TSGA10: variants seen among roughly 807,000 people sequenced by gnomAD.
TSGA10 encodes testis specific 10.
In TSGA10, 43 loss-of-function variants were observed where a neutral mutation model predicts 96.6. The ratio of observed to expected loss-of-function variants is 0.44; its 90% CI spans 0.35 to 0.57. The LOEUF (loss-of-function observed/expected upper bound fraction) is 0.57. Among genes scored for constraint, TSGA10 ranks in the 20% least tolerant of loss-of-function variants. The probability of loss-of-function intolerance (pLI) is 0.01; values close to 1 mark genes in which losing one functional copy is unlikely to be tolerated. For missense variants in TSGA10, 703 were observed against 834.4 expected (o/e 0.84, Z 1.94); for synonymous variants, 229 against 269.9 (o/e 0.85, Z 1.48).
chr2:99,095,703 C>T (rs1358810255), intron 10 of TSGA10, among the ~76,000 whole-genome samples: 1 of 152,168 alleles, frequency 6.6e-6, no homozygotes, highest in Non-Finnish European at 1.5e-5. Flanking sequence ...TACAGTGGTG[C>T]AATCTCGGCT....
At chr2:99,014,612 A>G (rs1460778735) in intron 20 of TSGA10, among the ~76,000 whole-genome samples, 3 of 152,130 alleles carry the variant, frequency 2.0e-5, no homozygotes, top group Non-Finnish European at 4.4e-5. Flanking sequence ...CCAAACCTAA[A>G]CCCAGCAGAA....
In TSGA10 at chr2:99,147,682, T is replaced by G. The variant is rs541385130; in HGVS notation, c.-621+7011A>C. On this transcript the variant is annotated intron_variant, in intron 1 of 20. Coordinates refer to ENST00000393483, the MANE Select transcript of TSGA10 (RefSeq NM_025244.4). ...TTTTCAATTTTGTATTTTGAAAAAG[T>G]TTTAAACCTACAGAAATGTAATAAT... Among the ~76,000 whole-genome samples the G allele has an allele frequency of 1.5e-3, 221 of 152,322 alleles. 2 individuals are homozygous for G. Among genetic ancestry groups the G allele is most frequent in the South Asian group, 3.3e-3 (16 of 4,830 alleles).
intron 15 of TSGA10, among the ~76,000 whole-genome samples, chr2:99,066,235 G>A: frequency 6.6e-6 from 1 of 152,170 alleles, no homozygotes; most frequent in East Asian, 1.9e-4. Flanking sequence ...TGCCAAGTCT[G>A]TGTTAGTCAA....
At chr2:99,125,408 A>C (rs1214922784) in intron 2 of TSGA10, 2 of 151,992 alleles carry the variant, frequency 1.3e-5, no homozygotes, top group Non-Finnish European at 2.9e-5. Flanking sequence ...TCTTCTTTAC[A>C]TCTCTTATTT....
intron 17 of TSGA10, among the ~76,000 whole-genome samples, chr2:99,032,041 G>T (rs2081184969): frequency 6.6e-6 from 1 of 152,184 alleles, no homozygotes; most frequent in Admixed American, 6.5e-5. Context: ...TGAAAATTAA[G>T]TTGCATCTGG....
chr2:99,019,977 C>A (rs1271290871), intron 18 of TSGA10, among the ~76,000 whole-genome samples: 1 of 152,036 alleles, frequency 6.6e-6, no homozygotes, highest in Non-Finnish European at 1.5e-5. Flanking sequence ...TATGAAAATT[C>A]TTCTGGTTTC....
intron 10 of TSGA10, among the ~76,000 whole-genome samples, chr2:99,093,734 T>G (rs1376187193): frequency 6.6e-6 from 1 of 151,642 alleles, no homozygotes; most frequent in East Asian, 1.9e-4. Context: ...TATAAAACAC[T>G]GCTGAAAGAC....
Position 99,133,221 on chromosome 2 carries a change from A to C in TSGA10, c.-620-6045T>G, listed in dbSNP as rs527326054. On this transcript the variant is annotated intron_variant, in intron 1 of 20. Transcript: ENST00000393483. ...CCCACTATTATTCTGTAGGAGTCTA[A>C]GTCTCTTTGTAGGTCTCTAAGAACT... 3.3e-5 allele frequency among the ~76,000 whole-genome samples: 5 copies of C among 152,294 alleles called. No individual in the cohort carries two copies. The South Asian group carries it at 8.3e-4, about 25-fold the overall frequency.
At chr2:99,081,901 C>T (rs1181576100) in intron 10 of TSGA10, among the ~76,000 whole-genome samples, 1 of 152,262 alleles carries the variant, frequency 6.6e-6, no homozygotes, top group Non-Finnish European at 1.5e-5. Context: ...ACTGTAATGC[C>T]TAACCTTGTT....
intron 20 of TSGA10, among the ~76,000 whole-genome samples, chr2:99,004,928 A>G (rs1158735190): frequency 2.0e-5 from 3 of 152,242 alleles, no homozygotes; most frequent in East Asian, 3.8e-4. Context: ...GCAGCACATC[A>G]AAAAGCTTAT....
At chr2:99,116,603 TAAAAG>T (rs1343096373) in intron 4 of TSGA10, among the ~76,000 whole-genome samples, 1 of 150,842 alleles carries the variant, frequency 6.6e-6, no homozygotes, top group Non-Finnish European at 1.5e-5. Flanking sequence ...TAAAAAGTAT[TAAAAG>T]AAAACTTTAG....
chr2:99,124,325 G>A (rs924919660), intron 2 of TSGA10, among the ~76,000 whole-genome samples: 2 of 152,112 alleles, frequency 1.3e-5, no homozygotes, highest in Non-Finnish European at 2.9e-5. Context: ...TTTCTGGGGG[G>A]AAAGGGGCTA....
chr2:99,074,251 T>C (rs2104536361), intron 12 of TSGA10, among the ~76,000 whole-genome samples: 1 of 152,092 alleles, frequency 6.6e-6, no homozygotes, highest in South Asian at 2.1e-4. Flanking sequence ...TGACTTCAAG[T>C]GATCCACCCA....
intron 14 of TSGA10, among the ~76,000 whole-genome samples, chr2:99,071,262 G>A (rs1410518146): frequency 6.6e-6 from 1 of 151,966 alleles, no homozygotes; most frequent in Non-Finnish European, 1.5e-5. Context: ...TTGCCTTAGG[G>A]AGAAAGAGTA....
At chr2:99,086,089 T>G (rs1558967191) in intron 10 of TSGA10, among the ~76,000 whole-genome samples, 1 of 152,082 alleles carries the variant, frequency 6.6e-6, no homozygotes, top group Non-Finnish European at 1.5e-5. Context: ...TTGCCCTGAG[T>G]GATGAAATAT....
rs1378307315 is a variant in TSGA10 at position 99,035,316 on chromosome 2, A to G, written c.1528T>C (p.Ser510Pro). Residue 510 changes from serine (S) to proline (P), a missense_variant, in exon 17 of 21, where the codon TCT becomes CCT. By Grantham distance (74) the Ser-to-Pro change is moderately conservative (BLOSUM62 -1). Coordinates refer to ENST00000393483, the MANE Select transcript of TSGA10 (RefSeq NM_025244.4). The part of the protein sequence containing the change: ...EKVSALADLS[S>P]TRELCIKLDS... ...AGTTTAATACAGAGTTCCCTAGTAG[A>G]AGACAAATCTGCAAGAGCGGACACT... is the stretch of plus-strand genomic sequence containing the variant. 5 of 1,613,248 alleles carry G rather than the reference A, an allele frequency of 3.1e-6. No individual in the cohort carries two copies. In the South Asian group the frequency reaches 5.5e-5, roughly 18 times the overall value.
chr2:99,154,086 G>T (rs887481169), intron 1 of TSGA10, among the ~76,000 whole-genome samples: 2 of 152,202 alleles, frequency 1.3e-5, no homozygotes, highest in Non-Finnish European at 2.9e-5. Flanking sequence ...CCTGAATTGA[G>T]ATGCCCTAGC....
intron 20 of TSGA10, among the ~76,000 whole-genome samples, chr2:99,005,952 T>C (rs369554447): frequency 2.6e-5 from 4 of 151,866 alleles, no homozygotes; most frequent in South Asian, 2.1e-4. Flanking sequence ...GAGATATAGA[T>C]CAATGGAACA....
chr2:99,081,292 A>AT lies in TSGA10; in HGVS notation c.716dup (p.Asp239GlufsTer2), dbSNP rs749562470. 6.4e-7 allele frequency: 1 copy of AT among 1,554,138 alleles called. No homozygotes were observed. The highest frequency in any genetic ancestry group is 2.3e-5 in the East Asian group (1 of 44,060). ...GAGAAAAAAACTCACCAATTTTTTC[A>AT]TCCAAGCACATAATTTTCTCCTGAG... On this transcript the variant is annotated frameshift_variant, in exon 11 of 21. Coordinates refer to ENST00000393483, the MANE Select transcript of TSGA10 (RefSeq NM_025244.4). LOFTEE classifies it high-confidence loss of function.
Sources: allele counts gnomAD v4.1 joint callset (sites outside exome capture counted in the v4.1 genomes callset), GRCh38; gene constraint gnomAD v4.1.1; transcripts MANE v1.5; gene names NCBI Gene and HGNC (gene_info 2026-07-23, HGNC 2026-07-21).